The following NECAB2 variants were observed in gnomAD, a reference collection of about 807,000 sequenced individuals.
NECAB2 encodes the protein N-terminal EF-hand calcium-binding protein 2.
In NECAB2, 68 loss-of-function variants were observed where a neutral mutation model predicts 51.9. The observed-to-expected ratio is 1.31, with a 90% CI of 1.08 to 1.60. The LOEUF is 1.60. Ranked by LOEUF, NECAB2 falls within the 40% of genes most tolerant of loss-of-function variation. NECAB2 has a pLI of 0.00. For synonymous variants in NECAB2, 329 were observed against 203.5 expected (o/e 1.62, Z -5.25); for missense variants, 854 against 490.3 (o/e 1.74, Z -7.00).
intron 9 of NECAB2, 101 bp from the exon 10 acceptor site, chr16:83,998,104 T>C: frequency 9.7e-7 from 1 of 1,031,372 alleles, no homozygotes; most frequent in African/African-American, 1.6e-5. Context: ...GGGAGGGTTA[T>C]TTTATTTTGA....
upstream of NECAB2, chr16:83,965,186 A>G (rs1567658565): frequency 6.2e-7 from 1 of 1,612,502 alleles, no homozygotes; most frequent in Admixed American, 1.7e-5. Flanking sequence ...GGAGTGGGGG[A>G]CCCCCGATCC....
At position 84,002,274 on chromosome 16, in the gene NECAB2, C is replaced by T. The variant is rs376237324; in HGVS notation, c.1133-44C>T. 3.1e-6 allele frequency: 5 copies of T among 1,610,034 alleles called. No individual in the cohort carries two copies. In the African/African-American group the frequency reaches 5.4e-5, roughly 17 times the overall value. ...CGACCACCACCAGCTACGAGGCTGC[C>T]CACATTCGCACTCCTTCCCTCTAAC... On this transcript the variant is annotated intron_variant, in intron 12 of 12. Coordinates refer to ENST00000305202, the MANE Select transcript of NECAB2 (RefSeq NM_019065.3).
intron 8 of NECAB2, 92 bp from the exon 9 acceptor site, chr16:83,997,124 C>A: frequency 6.6e-7 from 1 of 1,517,336 alleles, no homozygotes; most frequent in Non-Finnish European, 9.1e-7. Flanking sequence ...TCCTTGGGAG[C>A]TCCCAACAGC....
At chr16:83,982,653 G>T (rs1333874914) in intron 5 of NECAB2, among the ~76,000 whole-genome samples, 1 of 152,140 alleles carries the variant, frequency 6.6e-6, no homozygotes, top group Non-Finnish European at 1.5e-5. Context: ...ATCCATGGTT[G>T]CGTCTTGGTC....
At chr16:83,990,432 AC>A in intron 5 of NECAB2, 61 bp from the exon 6 acceptor site, 1 of 1,591,486 alleles carries the variant, frequency 6.3e-7, no homozygotes, top group Non-Finnish European at 8.6e-7. Context: ...CCTGTGCTAG[AC>A]CCCACCTCCA....
intron 5 of NECAB2, among the ~76,000 whole-genome samples, chr16:83,984,364 G>C (rs778949530): frequency 1.1e-4 from 16 of 150,294 alleles, no homozygotes; most frequent in Non-Finnish European, 1.5e-4. Context: ...AATGTTTTAT[G>C]ATTATTTTTA....
chr16:83,968,667 C>A lies in NECAB2; in HGVS notation c.19C>A (p.Arg7Ser), dbSNP rs1191539811. The A allele has an allele frequency of 1.0e-6, 1 of 983,418 alleles. No homozygotes were observed. The highest frequency in any genetic ancestry group is 1.2e-6 in the Non-Finnish European group (1 of 830,302). 60.9% of individuals were successfully genotyped at this position (983,418 alleles called of 1,614,324 possible). The change falls in exon 1 of 13, where the codon CGC becomes AGC. Residue 7 changes from arginine to serine, a missense_variant. Physicochemically the swap from Arg to Ser is moderately radical, Grantham distance 110 (BLOSUM62 -1). Coordinates refer to ENST00000305202, the MANE Select transcript of NECAB2 (RefSeq NM_019065.3). MCERAA[R>S]LCRAGAHRLL... Reference sequence around the variant, plus strand: ...CGGCGCGATGTGCGAGCGGGCGGCGCGCCTGTGCAGGGCCGGCGCGCACAG... The same window carrying A: ...CGGCGCGATGTGCGAGCGGGCGGCGAGCCTGTGCAGGGCCGGCGCGCACAG...
chr16:83,973,139 C>G (rs529982033), intron 2 of NECAB2, among the ~76,000 whole-genome samples: 2 of 152,330 alleles, frequency 1.3e-5, no homozygotes, highest in South Asian at 4.1e-4. Flanking sequence ...ACATCAAGTA[C>G]CAAGCCTGTG....
At chr16:83,997,479 C>CTTTTTTTTTTTTT (rs11296947) in intron 9 of NECAB2, among the ~76,000 whole-genome samples, 1 of 53,230 alleles carries the variant, frequency 1.9e-5, no homozygotes, top group Non-Finnish European at 3.2e-5. Flanking sequence ...CTCCCTGGAC[C>CTTTTTTTTTTTTT]TTTTTTTTTT....
chr16:84,001,273 C>T (rs889313303), intron 11 of NECAB2, among the ~76,000 whole-genome samples: 48 of 99,846 alleles, frequency 4.8e-4, no homozygotes, highest in Non-Finnish European at 3.9e-4. Flanking sequence ...CTGCTCAGCA[C>T]ACATCTGGGA....
At chr16:83,997,022 C>G (rs2084711595) in intron 8 of NECAB2, among the ~76,000 whole-genome samples, 194 bp from the exon 9 acceptor site, 1 of 150,482 alleles carries the variant, frequency 6.6e-6, no homozygotes, top group Non-Finnish European at 1.5e-5. Context: ...GCCATCCTCA[C>G]CCCAGCAACA....
chr16:83,978,584 G>T (rs771863228), intron 3 of NECAB2, 32 bp downstream of exon 3: 3 of 1,550,068 alleles, frequency 1.9e-6, no homozygotes, highest in African/African-American at 2.7e-5. Context: ...CAGAGTGGGG[G>T]TGTGTGTGGG....
Position 83,980,611 on chromosome 16 carries a change from C to T in NECAB2, c.336-228C>T, listed in dbSNP as rs755442930. Among the ~76,000 whole-genome samples, 9 of 152,178 alleles carry T rather than the reference C, an allele frequency of 5.9e-5. No homozygotes were observed. In the Middle Eastern group the frequency reaches 0.01, roughly 173 times the overall value. ...TATTCATGATGGGGTCAGCAGACTCCGAGAAAACAGAACAAGGGTGGGTGG... is the reference window on the plus strand; with the variant it reads ...TATTCATGATGGGGTCAGCAGACTCTGAGAAAACAGAACAAGGGTGGGTGG... On this transcript the variant is annotated intron_variant, in intron 3 of 12. Coordinates refer to ENST00000305202, the MANE Select transcript of NECAB2 (RefSeq NM_019065.3).
At chr16:83,996,697 C>T (rs115956137) in intron 8 of NECAB2, among the ~76,000 whole-genome samples, 237 of 152,290 alleles carry the variant, frequency 1.6e-3, no homozygotes, top group African/African-American at 5.4e-3. Context: ...TGTTGATCTT[C>T]TGTGGGGGCT....
At position 83,997,232 on chromosome 16, in the gene NECAB2, T is replaced by A. The variant is rs1567677692; in HGVS notation, c.812T>A (p.Leu271Gln). 3 of 1,614,042 alleles carry A rather than the reference T, an allele frequency of 1.9e-6. No homozygotes were observed. The highest frequency in any genetic ancestry group is 2.5e-6 in the Non-Finnish European group (3 of 1,180,022). Reference protein sequence around the residue: ...RLESKALWFDLQQRLSDEDGT... With the variant: ...RLESKALWFDQQQRLSDEDGT... Reference sequence around the variant, plus strand: ...TTGTTTCAGGCACTGTGGTTCGACCTGCAGCAGCGCCTGTCAGATGAAGAT... The same window carrying A: ...TTGTTTCAGGCACTGTGGTTCGACCAGCAGCAGCGCCTGTCAGATGAAGAT... The change falls in exon 9 of 13, where the codon CTG becomes CAG. Residue 271 changes from leucine (L) to glutamine (Q), a missense_variant. Physicochemically the swap from Leu to Gln is moderately radical, Grantham distance 113. Transcript: ENST00000305202.
At chr16:83,994,499 G>C (rs16962439) in intron 7 of NECAB2, 79 bp downstream of exon 7, 140,622 of 1,589,426 alleles carry the variant, frequency 0.088, 9,031 homozygotes, top group African/African-American at 0.34. Context: ...ACAGGGACTG[G>C]GGAGATGAGC....
intron 12 of NECAB2, 94 bp downstream of exon 12, chr16:84,002,010 G>C (rs1247846630): frequency 7.2e-7 from 1 of 1,383,150 alleles, no homozygotes; most frequent in East Asian, 2.5e-5. Context: ...GGACTTGCCT[G>C]CTTGCTGTGG....
chr16:83,986,892 G>A (rs2084563798), intron 5 of NECAB2, among the ~76,000 whole-genome samples: 1 of 152,194 alleles, frequency 6.6e-6, no homozygotes, highest in East Asian at 1.9e-4. Context: ...TCCAGGGAGG[G>A]TAGGAGTGGG....
At chr16:83,987,878 A>T (rs2084575411) in intron 5 of NECAB2, among the ~76,000 whole-genome samples, 1 of 152,232 alleles carries the variant, frequency 6.6e-6, no homozygotes, top group South Asian at 2.1e-4. Context: ...GCTACATAAG[A>T]TGGCTGTAAG....
Sources: allele counts gnomAD v4.1 joint callset (sites outside exome capture counted in the v4.1 genomes callset), GRCh38; gene constraint gnomAD v4.1.1; transcripts MANE v1.5; gene names NCBI Gene and HGNC (gene_info 2026-07-23, HGNC 2026-07-21).